HTR1E: variants seen among roughly 807,000 people sequenced by gnomAD.
HTR1E encodes 5-HT-1E.
A neutral mutation model predicts 3.4 loss-of-function variants in HTR1E; 3 were observed. The observed-to-expected ratio is 0.89, with a 90% CI of 0.41 to 2.31. The LOEUF (loss-of-function observed/expected upper bound fraction) is 2.31, where lower values mean the gene tolerates loss of function less well. Ranked by LOEUF, HTR1E falls within the 30% of genes most tolerant of loss-of-function variation. HTR1E has a pLI of 0.05. For missense variants in HTR1E, 392 were observed against 467.0 expected (o/e 0.84, Z 1.48); for synonymous variants, 170 against 182.8 (o/e 0.93, Z 0.56).
At chr6:86,983,573 G>A (rs1158100273) in intron 1 of HTR1E, among the ~76,000 whole-genome samples, 2 of 152,158 alleles carry the variant, frequency 1.3e-5, no homozygotes, top group Non-Finnish European at 2.9e-5. Context: ...AATACAGTTA[G>A]TAGAAATAAC....
At chr6:86,979,227 A>G (rs963279161) in intron 1 of HTR1E, among the ~76,000 whole-genome samples, 1 of 152,242 alleles carries the variant, frequency 6.6e-6, no homozygotes, top group Non-Finnish European at 1.5e-5. Context: ...CACTAAATTT[A>G]CATGGCTTTT....
At chr6:86,993,323 G>T (rs1277368873) in intron 1 of HTR1E, among the ~76,000 whole-genome samples, 1 of 151,902 alleles carries the variant, frequency 6.6e-6, no homozygotes, top group African/African-American at 2.4e-5. Context: ...CCTGCCTGGA[G>T]AATGGTGGGG....
chr6:86,941,834 C>CAAGGAAGGAAGGAATG (rs1450858756), intron 1 of HTR1E, among the ~76,000 whole-genome samples: 1 of 146,740 alleles, frequency 6.8e-6, no homozygotes, highest in Admixed American at 6.9e-5. Context: ...AGGAAGGGAG[C>CAAGGAAGGAAGGAATG]AAGGAAGGAA....
At chr6:86,981,751 A>G (rs1413385444) in intron 1 of HTR1E, among the ~76,000 whole-genome samples, 2 of 152,184 alleles carry the variant, frequency 1.3e-5, no homozygotes, top group African/African-American at 4.8e-5. Context: ...CTGTCCTTTG[A>G]TATTATCTCC....
At chr6:86,977,994 T>C (rs1024847670) in intron 1 of HTR1E, among the ~76,000 whole-genome samples, 1 of 152,244 alleles carries the variant, frequency 6.6e-6, no homozygotes, top group African/African-American at 2.4e-5. Flanking sequence ...AGGTTGACTG[T>C]TTACTCTGTT....
intron 1 of HTR1E, among the ~76,000 whole-genome samples, chr6:86,979,345 GA>G (rs1289103894): frequency 6.6e-6 from 1 of 152,132 alleles, no homozygotes; most frequent in Non-Finnish European, 1.5e-5. Context: ...CTGAAAAGGG[GA>G]ATTATATTTT....
chr6:86,970,952 G>A lies in HTR1E; in HGVS notation c.-186+33129G>A, dbSNP rs147376597. On this transcript the variant is annotated intron_variant, in intron 1 of 1. Transcript: ENST00000305344. ...TTATGGCAAAGTCAATAAATTAATC[G>A]CCTTGACAGATAACACTTTGCTCAA... is the stretch of plus-strand genomic sequence containing the variant. 1.4e-4 allele frequency: 50 copies of A among 349,060 alleles called. No individual in the cohort carries two copies. In the East Asian group the frequency reaches 2.9e-3, roughly 20 times the overall value. 21.6% of individuals were successfully genotyped at this position (349,060 alleles called of 1,614,324 possible).
intron 1 of HTR1E, chr6:86,971,279 T>C (rs1340856269): frequency 9.9e-6 from 3 of 302,596 alleles, no homozygotes; most frequent in African/African-American, 6.6e-5. Flanking sequence ...GATAATAATA[T>C]AACAGCACAT....
At chr6:86,999,150 C>T (rs952664657) in intron 1 of HTR1E, among the ~76,000 whole-genome samples, 30 of 151,950 alleles carry the variant, frequency 2.0e-4, no homozygotes, top group African/African-American at 7.0e-4. Flanking sequence ...TAAGTAGAAA[C>T]GGGGATTCGC....
At chr6:86,941,731 G>A (rs968702268) in intron 1 of HTR1E, among the ~76,000 whole-genome samples, 4 of 152,128 alleles carry the variant, frequency 2.6e-5, no homozygotes, top group Admixed American at 2.6e-4. Flanking sequence ...GCATTTTATA[G>A]CAAGAAGAAA....
At chr6:86,976,940 G>T (rs1044439301) in intron 1 of HTR1E, among the ~76,000 whole-genome samples, 2 of 152,144 alleles carry the variant, frequency 1.3e-5, no homozygotes, top group Admixed American at 6.5e-5. Flanking sequence ...GGAAAATTTT[G>T]CTCCTTTTAC....
chr6:86,980,508 T>A (rs1438576980), intron 1 of HTR1E, among the ~76,000 whole-genome samples: 1 of 152,066 alleles, frequency 6.6e-6, no homozygotes, highest in Non-Finnish European at 1.5e-5. Context: ...CAGGAGGGAC[T>A]CTCAATAAGA....
At position 87,015,970 on chromosome 6, in the gene HTR1E, T is replaced by A. The variant is rs970126856; in HGVS notation, c.636T>A (p.Leu212=). Residue 212 remains leucine, a synonymous_variant, in exon 2 of 2, where the codon CTT becomes CTA. Coordinates refer to ENST00000305344, the MANE Select transcript of HTR1E (RefSeq NM_000865.3). The part of the protein sequence containing the change: ...YYRIYHAAKS[L]YQKRGSSRHL... ...GGATTTACCACGCGGCCAAGAGCCT[T>A]TACCAGAAAAGGGGATCAAGTCGGC... 6 of 1,614,078 alleles carry A rather than the reference T, an allele frequency of 3.7e-6. No individual in the cohort carries two copies. In the African/African-American group the frequency reaches 8.0e-5, roughly 22 times the overall value.
intron 1 of HTR1E, among the ~76,000 whole-genome samples, chr6:86,956,346 G>T (rs1234943402): frequency 6.6e-6 from 1 of 152,000 alleles, no homozygotes; most frequent in Non-Finnish European, 1.5e-5. Flanking sequence ...CCTGCTACTT[G>T]GAGGATTCAT....
chr6:87,012,782 C>T (rs1768257092), intron 1 of HTR1E, among the ~76,000 whole-genome samples: 1 of 152,116 alleles, frequency 6.6e-6, no homozygotes, highest in African/African-American at 2.4e-5. Context: ...ACACTACTTA[C>T]TTTAGAGAAA....
chr6:86,938,770 G>T (rs1050990871), intron 1 of HTR1E, among the ~76,000 whole-genome samples: 35 of 152,174 alleles, frequency 2.3e-4, no homozygotes, highest in Admixed American at 2.3e-3. Context: ...TGGGTTGGGG[G>T]AGCAGTGTTT....
chr6:86,955,444 C>T (rs931485268), intron 1 of HTR1E, among the ~76,000 whole-genome samples: 3 of 152,148 alleles, frequency 2.0e-5, no homozygotes, highest in African/African-American at 7.2e-5. Flanking sequence ...ATTTCATGTC[C>T]AGTGTCATCA....
At chr6:86,964,350 T>C (rs1345359159) in intron 1 of HTR1E, among the ~76,000 whole-genome samples, 1 of 152,230 alleles carries the variant, frequency 6.6e-6, no homozygotes, top group African/African-American at 2.4e-5. Flanking sequence ...AATATGTGCA[T>C]AGTTTTATGT....
At chr6:87,005,427 TA>T (rs1401581152) in intron 1 of HTR1E, among the ~76,000 whole-genome samples, 2 of 151,998 alleles carry the variant, frequency 1.3e-5, no homozygotes, top group Non-Finnish European at 2.9e-5. Context: ...AACCCAGAAA[TA>T]AATCCGTACG....
Sources: gnomAD v4.1 joint callset for allele counts (sites outside exome capture counted in the v4.1 genomes callset) on GRCh38, gnomAD v4.1.1 for gene constraint, MANE v1.5 for transcripts, NCBI Gene and HGNC (gene_info 2026-07-23, HGNC 2026-07-21) for gene names.